The following CNTNAP2 variants were observed in gnomAD, a reference collection of about 807,000 sequenced individuals.
The protein encoded by CNTNAP2 is contactin-associated protein-like 2.
CNTNAP2 carries 98 observed loss-of-function variants against 155.2 expected under a neutral mutation model. That is an observed-to-expected ratio of 0.63 (90% confidence interval 0.54 to 0.75). CNTNAP2 has a LOEUF of 0.75. CNTNAP2 is among the 30% of genes least tolerant of loss of function. The probability of loss-of-function intolerance (pLI) is 0.00; values close to 1 mark genes in which losing one functional copy is unlikely to be tolerated. For missense variants in CNTNAP2, 1,727 were observed against 1,688.1 expected, an observed-to-expected ratio of 1.02 and a Z score of -0.40; for synonymous variants, 651 against 631.2, an observed-to-expected ratio of 1.03 and a Z score of -0.47.
intron 4 of CNTNAP2, among the ~76,000 whole-genome samples, chr7:147,090,749 T>TATAA (rs1363857556): frequency 6.6e-6 from 1 of 152,120 alleles, no homozygotes; most frequent in African/African-American, 2.4e-5. Flanking sequence ...TTATATGTGG[T>TATAA]TTTTAGGATG....
chr7:147,222,726 A>G (rs1584801514), intron 8 of CNTNAP2, among the ~76,000 whole-genome samples: 2 of 151,910 alleles, frequency 1.3e-5, no homozygotes, highest in African/African-American at 4.8e-5. Flanking sequence ...TGGGGAGGGA[A>G]TATGTTCTAC....
intron 13 of CNTNAP2, among the ~76,000 whole-genome samples, chr7:147,852,649 A>G (rs1184208996): frequency 1.3e-5 from 2 of 152,210 alleles, no homozygotes; most frequent in African/African-American, 4.8e-5. Context: ...GTGAATGGCT[A>G]ATTTCAAATC....
chr7:146,173,052 A>G (rs960574807), intron 1 of CNTNAP2, among the ~76,000 whole-genome samples: 1 of 152,152 alleles, frequency 6.6e-6, no homozygotes. Context: ...AAATATTGAT[A>G]TAATCCTATC....
intron 13 of CNTNAP2, among the ~76,000 whole-genome samples, chr7:147,775,375 A>ATTTATATATATTTATAAATATATATATT (rs1797565758): frequency 2.4e-5 from 2 of 82,288 alleles, no homozygotes; most frequent in Non-Finnish European, 4.2e-5. Context: ...ATATATATAT[A>ATTTATATATATTTATAAATATATATATT]TTTATATATA....
intron 15 of CNTNAP2, among the ~76,000 whole-genome samples, chr7:147,978,339 ATTT>A (rs1801466847): frequency 2.0e-5 from 3 of 152,150 alleles, no homozygotes; most frequent in African/African-American, 4.8e-5. Context: ...TAGGATGACT[ATTT>A]ATATCACCAT....
chr7:148,212,305 G>C (rs1233985500), intron 18 of CNTNAP2, among the ~76,000 whole-genome samples: 2 of 152,204 alleles, frequency 1.3e-5, no homozygotes, highest in East Asian at 3.9e-4. Flanking sequence ...CTGTGATGAG[G>C]ACCAAGAAAT....
chr7:146,714,908 C>T (rs1801160599), intron 1 of CNTNAP2, among the ~76,000 whole-genome samples: 1 of 152,140 alleles, frequency 6.6e-6, no homozygotes, highest in Non-Finnish European at 1.5e-5. Flanking sequence ...AGGTTAGGCG[C>T]TTAACCTCTT....
intron 1 of CNTNAP2, among the ~76,000 whole-genome samples, chr7:146,701,974 GA>G (rs1449538366): frequency 6.6e-6 from 1 of 152,178 alleles, no homozygotes; most frequent in African/African-American, 2.4e-5. Context: ...TGAGGAAGGA[GA>G]GGGGTGTGCT....
intron 1 of CNTNAP2, among the ~76,000 whole-genome samples, chr7:146,191,099 G>T (rs927749676): frequency 6.9e-6 from 1 of 145,300 alleles, no homozygotes. Context: ...ATTCAATGTA[G>T]GTTCTTTTCA....
chr7:146,288,446 C>T (rs1164349792), intron 1 of CNTNAP2, among the ~76,000 whole-genome samples: 2 of 152,002 alleles, frequency 1.3e-5, no homozygotes, highest in Non-Finnish European at 2.9e-5. Context: ...TTCTTAGAAA[C>T]TGTGACTTTA....
intron 13 of CNTNAP2, among the ~76,000 whole-genome samples, chr7:147,803,731 C>A (rs1312116867): frequency 6.6e-6 from 1 of 152,130 alleles, no homozygotes; most frequent in Non-Finnish European, 1.5e-5. Flanking sequence ...CAGCTGGGGG[C>A]CAATTACTGC....
chr7:147,415,799 G>A (rs528068956), intron 10 of CNTNAP2, among the ~76,000 whole-genome samples: 9 of 152,190 alleles, frequency 5.9e-5, no homozygotes, highest in South Asian at 2.1e-4. Flanking sequence ...CCGTTAAACC[G>A]GGCCTTTTTT....
chr7:147,633,967 T>G (rs894998026), intron 12 of CNTNAP2, among the ~76,000 whole-genome samples: 3 of 152,162 alleles, frequency 2.0e-5, no homozygotes, highest in African/African-American at 7.2e-5. Flanking sequence ...ACAGGTGGCA[T>G]GGATGTGGTG....
chr7:146,520,313 C>CATATAT (rs59563196), intron 1 of CNTNAP2, among the ~76,000 whole-genome samples: 5,497 of 140,686 alleles, frequency 0.039, 124 homozygotes, highest in Non-Finnish European at 0.054. Flanking sequence ...TAGATATATT[C>CATATAT]ATATATATAT....
At chr7:147,481,232 T>TA (rs1408219667) in intron 10 of CNTNAP2, among the ~76,000 whole-genome samples, 1 of 152,240 alleles carries the variant, frequency 6.6e-6, no homozygotes, top group Non-Finnish European at 1.5e-5. Flanking sequence ...GGCATACAGT[T>TA]ATGCTGTCAG....
At chr7:148,186,377 T>C (rs1795114631) in intron 18 of CNTNAP2, among the ~76,000 whole-genome samples, 1 of 152,186 alleles carries the variant, frequency 6.6e-6, no homozygotes, top group African/African-American at 2.4e-5. Context: ...AAAATCACAT[T>C]GCTAGTAAAT....
chr7:146,130,618 G>A (rs933655684), intron 1 of CNTNAP2, among the ~76,000 whole-genome samples: 4 of 152,114 alleles, frequency 2.6e-5, no homozygotes, highest in Non-Finnish European at 4.4e-5. Flanking sequence ...TTTTGAAGAG[G>A]CAATTTTCTA....
rs986393173 is a variant in CNTNAP2, at chr7:146,714,214, C to A, written c.98-60057C>A. Among the ~76,000 whole-genome samples the A allele has an allele frequency of 4.6e-5, 7 of 152,148 alleles. 1 individual carries two copies. Among genetic ancestry groups the A allele is most frequent in the Admixed American group, 3.9e-4 (6 of 15,254 alleles). ...TTTGTGCATTTCTCTTCATAGCTCT[C>A]ACACTTCATTTCACCATACTGCACA... On this transcript the variant is annotated intron_variant, in intron 1 of 23. Coordinates refer to ENST00000361727, the MANE Select transcript of CNTNAP2 (RefSeq NM_014141.6).
At chr7:146,229,882 G>T (rs565558063) in intron 1 of CNTNAP2, among the ~76,000 whole-genome samples, 1 of 152,164 alleles carries the variant, frequency 6.6e-6, no homozygotes, top group African/African-American at 2.4e-5. Flanking sequence ...TCTCTCACAA[G>T]GGAAATATAA....
Sources: allele counts gnomAD v4.1 joint callset (sites outside exome capture counted in the v4.1 genomes callset), GRCh38; gene constraint gnomAD v4.1.1; transcripts MANE v1.5; gene names NCBI Gene and HGNC (gene_info 2026-07-23, HGNC 2026-07-21).